Variants in NPC1 observed in about 807,000 individuals in gnomAD.
NPC1 encodes the protein NPC intracellular cholesterol transporter 1.
NPC1 carries 85 observed loss-of-function variants against 140.4 expected under a neutral mutation model. That is an observed-to-expected ratio of 0.61 (90% confidence interval 0.51 to 0.72). The LOEUF (loss-of-function observed/expected upper bound fraction) is 0.72. NPC1 is among the 30% of genes least tolerant of loss of function. The pLI, the probability that NPC1 is intolerant of heterozygous loss-of-function variation, is 0.00. For missense variants in NPC1, 1,504 were observed against 1,623.8 expected (o/e 0.93, Z 1.27); for synonymous variants, 656 against 624.8 (o/e 1.05, Z -0.74).
chr18:23,544,266 G>GA lies in NPC1; in HGVS notation c.2130+77dup, dbSNP rs764576949. On this transcript the variant is annotated intron_variant, in intron 13 of 24. Transcript: ENST00000269228. ...AAACACCCTCACAGGTCACACTCAC[G>GA]AATGCGGAGCCCAGGAGCCATTCAC... 3.9e-4 allele frequency: 549 copies of GA among 1,391,548 alleles called. 1 individual carries two copies. Among genetic ancestry groups the GA allele is most frequent in the Middle Eastern group, 1.8e-3 (10 of 5,560 alleles). 86.2% of individuals were successfully genotyped at this position (1,391,548 alleles called of 1,614,324 possible).
At chr18:23,523,521 G>A (rs924395484) in intron 1 of NPC1, among the ~76,000 whole-genome samples, 1 of 114,032 alleles carries the variant, frequency 8.8e-6, no homozygotes, top group African/African-American at 3.4e-5. Flanking sequence ...GACCAGCCTA[G>A]GTAACATAGA....
downstream of NPC1, among the ~76,000 whole-genome samples, chr18:23,526,336 G>A (rs1020740930): frequency 2.6e-5 from 4 of 152,182 alleles, no homozygotes; most frequent in South Asian, 4.1e-4. Context: ...GGAAGTCCCC[G>A]TTTGGAATGA....
intron 20 of NPC1, 22 bp downstream of exon 20, chr18:23,538,520 C>T (rs751870155): frequency 2.5e-6 from 4 of 1,614,118 alleles, no homozygotes; most frequent in Non-Finnish European, 3.4e-6. Flanking sequence ...GGATGCTTAT[C>T]TGCAATGGCA....
intron 1 of NPC1, chr18:23,524,102 G>A (rs755061519): frequency 2.2e-5 from 35 of 1,613,300 alleles, no homozygotes; most frequent in East Asian, 6.7e-5. Flanking sequence ...TGACTGCATC[G>A]TTGCACTTAT....
chr18:23,514,553 G>A (rs1359836549), intron 3 of NPC1, among the ~76,000 whole-genome samples: 9 of 149,366 alleles, frequency 6.0e-5, no homozygotes, highest in African/African-American at 1.2e-4. Context: ...GTGAAACTCC[G>A]TCTCAAAAAA....
rs755554807 is a variant in NPC1, at chr18:23,540,516, G to C, written c.2536C>G (p.Leu846Val). 1 of 1,612,200 alleles carries C rather than the reference G, an allele frequency of 6.2e-7. No homozygotes were observed. Among genetic ancestry groups the C allele is most frequent in the Admixed American group, 1.7e-5 (1 of 59,970 alleles). Residue 846 changes from leucine (L) to valine (V), a missense_variant, in exon 17 of 25, where the codon CTG (leucine) becomes GTG (valine). Transcript: ENST00000269228. ...PIVIAIFVGV[L>V]SFSIAVLNKV... ...TTCAGGACTGCGATGCTGAATGACA[G>C]AACACCCACAAATATTGCTATCTGG...
chr18:23,575,769 C>CAAAAAAAAAAAAAAA lies in NPC1; in HGVS notation c.58-2210_58-2196dup, dbSNP rs35922440. Among the ~76,000 whole-genome samples, 7 of 35,106 alleles carry CAAAAAAAAAAAAAAA rather than the reference C, an allele frequency of 2.0e-4. 1 individual carries two copies. Among genetic ancestry groups the CAAAAAAAAAAAAAAA allele is most frequent in the East Asian group, 1.1e-3 (1 of 886 alleles). 23.0% of individuals were successfully genotyped at this position (35,106 alleles called of 152,430 possible). On this transcript the variant is annotated intron_variant, in intron 1 of 24. Coordinates refer to ENST00000269228, the MANE Select transcript of NPC1 (RefSeq NM_000271.5). ...CTTCTAGAGACACAGCAGAGAAGAC[C>CAAAAAAAAAAAAAAA]AAAAAAAAAAAAAAAAAAAAAAAAA...
In NPC1 at chr18:23,569,057, C is replaced by T. The variant is rs917405693; in HGVS notation, c.288-59G>A. 1.0e-4 allele frequency: 123 copies of T among 1,183,976 alleles called. 1 individual carries two copies. The highest frequency in any genetic ancestry group is 3.7e-4 in the South Asian group (30 of 80,598). The allele number at this position is 1,183,976 out of a possible 1,614,324, so 73.3% of individuals were successfully genotyped here. A position where few individuals can be genotyped will look rare whatever the true frequency, so the allele number is the denominator to read the frequency against. The stretch of plus-strand genomic sequence containing the variant: ...TCACACATAATAGGGCCAGCAAGAA[C>T]GATTTTAAATAGACAAAGAATATTT... On this transcript the variant is annotated intron_variant, in intron 3 of 24. Transcript: ENST00000269228.
In NPC1 at chr18:23,560,237, C is replaced by A. The variant is rs760514693; in HGVS notation, c.875G>T (p.Cys292Phe). Residue 292 changes from cysteine (C) to phenylalanine (F), a missense_variant, in exon 6 of 25, where the codon TGC (cysteine) becomes TTC (phenylalanine). Transcript: ENST00000269228. ...VFFGAFFAVWCYRKRYFVSEY... is the reference protein window; with the variant it reads ...VFFGAFFAVWFYRKRYFVSEY... ...GACAAACAAAACTGCTTACCTGTAG[C>A]ACCACACTGCAAAAAATGCTCCAAA... 1 of 1,614,146 alleles carries A rather than the reference C, an allele frequency of 6.2e-7. No individual in the cohort carries two copies. Among genetic ancestry groups the A allele is most frequent in the Non-Finnish European group, 8.5e-7 (1 of 1,180,030 alleles).
chr18:23,558,795 G>T (rs1174998488), intron 6 of NPC1, among the ~76,000 whole-genome samples: 1 of 151,970 alleles, frequency 6.6e-6, no homozygotes. Flanking sequence ...GTATGTGTAC[G>T]TGTGCCATGT....
chr18:23,552,896 C>G (rs2058894067), intron 9 of NPC1, among the ~76,000 whole-genome samples: 1 of 152,200 alleles, frequency 6.6e-6, no homozygotes, highest in Non-Finnish European at 1.5e-5. Context: ...AGGGATAAAG[C>G]CTCAAGCCTG....
Position 23,548,077 on chromosome 18 carries a change from C to A in NPC1, c.1686G>T (p.Val562=). 1 of 1,611,954 alleles carries A rather than the reference C, an allele frequency of 6.2e-7. No individual in the cohort carries two copies. Among genetic ancestry groups the A allele is most frequent in the East Asian group, 2.2e-5 (1 of 44,860 alleles). ...AGTAATTATTGACAGGGAAGGTAAT[C>A]ACAAGGGCAGTGGCGTTATTGTAGT... is the stretch of plus-strand genomic sequence containing the variant. The part of the protein sequence containing the change: ...DQNYNNATAL[V]ITFPVNNYYN... The change falls in exon 11 of 25, where the codon GTG becomes GTT. Residue 562 remains valine, a synonymous_variant. Transcript: ENST00000269228.
chr18:23,568,510 A>G (rs190979789), intron 4 of NPC1, among the ~76,000 whole-genome samples: 1 of 152,334 alleles, frequency 6.6e-6, no homozygotes, highest in African/African-American at 2.4e-5. Context: ...GTAATTTATG[A>G]CATTACACAA....
At chr18:23,545,601 T>C (rs936169120) in intron 11 of NPC1, among the ~76,000 whole-genome samples, 3 of 152,188 alleles carry the variant, frequency 2.0e-5, no homozygotes, top group African/African-American at 7.2e-5. Context: ...TTGCTTTTGT[T>C]CCTGTTTTGA....
intron 21 of NPC1, among the ~76,000 whole-genome samples, chr18:23,536,358 C>T (rs9960042): frequency 0.019 from 2,908 of 152,270 alleles, 86 homozygotes; most frequent in African/African-American, 0.065. Flanking sequence ...GAATGTGGGC[C>T]GGGCCCTGCT....
downstream of NPC1, chr18:23,524,542 G>T (rs931652675): frequency 1.3e-6 from 2 of 1,554,448 alleles, no homozygotes; most frequent in East Asian, 2.2e-5. Flanking sequence ...TTGGATCCCA[G>T]TTGTAGCCAG....
chr18:23,528,619 A>C (rs904519658), downstream of NPC1: 2 of 153,578 alleles, frequency 1.3e-5, no homozygotes, highest in African/African-American at 4.8e-5. Context: ...GACAGTGTCC[A>C]TTCCTACGCT....
chr18:23,527,853 C>G (rs1229739705), downstream of NPC1: 40 of 1,613,960 alleles, frequency 2.5e-5, 1 homozygote, highest in Non-Finnish European at 3.3e-5. Context: ...TTGATAAACT[C>G]AACCATGAGT....
At chr18:23,560,189 AT>A in intron 6 of NPC1, 41 bp downstream of exon 6, 1 of 1,613,244 alleles carries the variant, frequency 6.2e-7, no homozygotes. Context: ...CCAGTGGGCA[AT>A]TTTGCTCTTT....
Sources: gnomAD v4.1 joint callset for allele counts (sites outside exome capture counted in the v4.1 genomes callset) on GRCh38, gnomAD v4.1.1 for gene constraint, MANE v1.5 for transcripts, NCBI Gene and HGNC (gene_info 2026-07-23, HGNC 2026-07-21) for gene names.